MYO5C: variants seen among roughly 807,000 people sequenced by gnomAD.
MYO5C encodes unconventional myosin-Vc.
In MYO5C, 194 loss-of-function variants were observed where a neutral mutation model predicts 235.7. That is an observed-to-expected ratio of 0.82 (90% CI 0.73 to 0.93). The LOEUF is 0.93. Ranked by LOEUF, MYO5C falls within the 40% of genes least tolerant of loss-of-function variation. The pLI is 0.00. For synonymous variants in MYO5C, 707 were observed against 754.8 expected (o/e 0.94, Z 1.04); for missense variants, 2,038 against 2,127.2 (o/e 0.96, Z 0.82).
At chr15:52,251,592 AG>A in intron 12 of MYO5C, 77 bp from the exon 13 acceptor site, 1 of 1,227,864 alleles carries the variant, frequency 8.1e-7, no homozygotes, top group Non-Finnish European at 1.1e-6. Context: ...ACTAATTCTA[AG>A]AAACCAAGGT....
chr15:52,195,579 G>T (rs372952786), intron 39 of MYO5C, 122 bp from the exon 40 acceptor site: 3 of 574,848 alleles, frequency 5.2e-6, no homozygotes, highest in African/African-American at 3.9e-5. Context: ...CTATAATTTG[G>T]TTCAGGAACT....
At chr15:52,265,464 C>A (rs2036786811) in intron 8 of MYO5C, among the ~76,000 whole-genome samples, 2 of 152,148 alleles carry the variant, frequency 1.3e-5, no homozygotes. Flanking sequence ...AAGCCAATGA[C>A]CCCTCACTTG....
intron 1 of MYO5C, among the ~76,000 whole-genome samples, chr15:52,292,021 G>A (rs142158145): frequency 0.012 from 1,812 of 152,164 alleles, 38 homozygotes; most frequent in African/African-American, 0.042. Context: ...TTACAGGCGT[G>A]AGCCACCGCA....
In MYO5C at chr15:52,221,078, C is replaced by A. The variant is rs2035670813; in HGVS notation, c.3721+84G>T. 6 of 1,065,532 alleles carry A rather than the reference C, an allele frequency of 5.6e-6. No individual in the cohort carries two copies. In the Admixed American group the frequency reaches 1.1e-4, roughly 20 times the overall value. The allele number at this position is 1,065,532 out of a possible 1,614,324, so 66.0% of individuals were successfully genotyped here. A position where few individuals can be genotyped will look rare whatever the true frequency, so the allele number is the denominator to read the frequency against. On this transcript the variant is annotated intron_variant, in intron 30 of 40. Coordinates refer to ENST00000261839, the MANE Select transcript of MYO5C (RefSeq NM_018728.4). ...CCCCTAGAGAACCAGAGTTTAAAAG[C>A]CCTGAGTACAAGGACATTTCAATGT... is the stretch of plus-strand genomic sequence containing the variant.
chr15:52,245,905 T>C, intron 17 of MYO5C, 51 bp downstream of exon 17: 1 of 1,527,620 alleles, frequency 6.5e-7, no homozygotes, highest in Non-Finnish European at 9.1e-7. Flanking sequence ...GTTCTCAGCA[T>C]AGCTCTGATG....
At chr15:52,202,974 G>A (rs1028132342) in intron 38 of MYO5C, among the ~76,000 whole-genome samples, 1 of 150,898 alleles carries the variant, frequency 6.6e-6, no homozygotes, top group Non-Finnish European at 1.5e-5. Flanking sequence ...AGGCTGGAGT[G>A]CTGAGGCGCG....
intron 10 of MYO5C, among the ~76,000 whole-genome samples, chr15:52,260,197 G>A (rs573795584): frequency 6.6e-6 from 1 of 152,224 alleles, no homozygotes; most frequent in African/African-American, 2.4e-5. Flanking sequence ...CAGGCAGAGA[G>A]AATGAAAAAG....
chr15:52,278,930 C>T lies in MYO5C; in HGVS notation c.392G>A (p.Gly131Asp). 4 of 1,614,132 alleles carry T rather than the reference C, an allele frequency of 2.5e-6. No homozygotes were observed. Among genetic ancestry groups the T allele is most frequent in the Non-Finnish European group, 3.4e-6 (4 of 1,180,022 alleles). Residue 131 changes from glycine to aspartate, a missense_variant, in exon 4 of 41, where the codon GGC becomes GAC. Coordinates refer to ENST00000261839, the MANE Select transcript of MYO5C (RefSeq NM_018728.4). ...IIHAYSGQNMGDMDPHIFAVA... is the reference protein window; with the variant it reads ...IIHAYSGQNMDDMDPHIFAVA... ...GGCAAATATGTGTGGGTCCATATCG[C>T]CCATGTTCTGCCCGCTGTAGGCGTG... is the stretch of plus-strand genomic sequence containing the variant.
intron 10 of MYO5C, among the ~76,000 whole-genome samples, chr15:52,257,423 G>A (rs753681483): frequency 2.6e-5 from 4 of 152,142 alleles, no homozygotes; most frequent in Non-Finnish European, 4.4e-5. Context: ...AGCTCCTGCC[G>A]GATGTAGCCA....
At chr15:52,280,804 G>A (rs914381165) in intron 2 of MYO5C, among the ~76,000 whole-genome samples, 5 of 152,226 alleles carry the variant, frequency 3.3e-5, no homozygotes, top group Non-Finnish European at 7.3e-5. Context: ...TCAGAAAGTT[G>A]GAGTTTGTTG....
Position 52,193,726 on chromosome 15 carries a change from A to G in MYO5C, c.*176T>C. On this transcript the variant is annotated 3_prime_UTR_variant, in exon 41 of 41. Coordinates refer to ENST00000261839, the MANE Select transcript of MYO5C (RefSeq NM_018728.4). ...ACAGCTGGTGTGTGTGAATTCTTAC[A>G]AAATTACAGGAGCAGCATTGTCACT... is the stretch of plus-strand genomic sequence containing the variant. 1.5e-6 allele frequency: 1 copy of G among 651,804 alleles called. No homozygotes were observed. The highest frequency in any genetic ancestry group is 2.6e-6 in the Non-Finnish European group (1 of 388,540). 40.4% of individuals were successfully genotyped at this position (651,804 alleles called of 1,614,324 possible). A position where few individuals can be genotyped will look rare whatever the true frequency, so the allele number is the denominator to read the frequency against.
At position 52,237,684 on chromosome 15, in the gene MYO5C, C is replaced by G. The variant is rs969042829; in HGVS notation, c.2704-38G>C. 1.9e-6 allele frequency: 3 copies of G among 1,577,066 alleles called. No individual in the cohort carries two copies. In the African/African-American group the frequency reaches 4.1e-5, roughly 22 times the overall value. The stretch of plus-strand genomic sequence containing the variant: ...AAATTCAGATGTTTAGAGGTTAATC[C>G]AAACAAAGATGCTGTTCCATTTAAT... On this transcript the variant is annotated intron_variant, in intron 21 of 40. Coordinates refer to ENST00000261839, the MANE Select transcript of MYO5C (RefSeq NM_018728.4).
In MYO5C at chr15:52,265,791, A is replaced by G. The variant is rs549105087; in HGVS notation, c.941-1495T>C. Reference sequence around the variant, plus strand: ...AGTGGTCCACCCTCCTTGGCCTCCCAAAGTGCTGCGATTATAGGAATGAGC... The same window carrying G: ...AGTGGTCCACCCTCCTTGGCCTCCCGAAGTGCTGCGATTATAGGAATGAGC... On this transcript the variant is annotated intron_variant, in intron 8 of 40. Coordinates refer to ENST00000261839, the MANE Select transcript of MYO5C (RefSeq NM_018728.4). Among the ~76,000 whole-genome samples the G allele has an allele frequency of 3.9e-5, 6 of 152,226 alleles. No homozygotes were observed. In the East Asian group the frequency reaches 1.2e-3, roughly 29 times the overall value.
intron 2 of MYO5C, among the ~76,000 whole-genome samples, chr15:52,281,278 C>A (rs1372623527): frequency 9.9e-5 from 15 of 152,200 alleles, no homozygotes; most frequent in Admixed American, 9.8e-4. Flanking sequence ...CTACAGCACA[C>A]AGGCCTTGTC....
intron 32 of MYO5C, 135 bp downstream of exon 32, chr15:52,218,384 A>G: frequency 1.1e-6 from 1 of 908,106 alleles, no homozygotes; most frequent in Non-Finnish European, 1.6e-6. Context: ...GTCTTTTGGG[A>G]TAAGAAAACA....
chr15:52,283,001 T>C (rs966294647), intron 1 of MYO5C, 109 bp from the exon 2 acceptor site: 2 of 722,734 alleles, frequency 2.8e-6, no homozygotes, highest in African/African-American at 3.5e-5. Flanking sequence ...AGCTCCTTCA[T>C]GAGGAATACG....
chr15:52,247,257 G>C (rs964108969), intron 15 of MYO5C, among the ~76,000 whole-genome samples: 3 of 152,200 alleles, frequency 2.0e-5, no homozygotes, highest in Non-Finnish European at 4.4e-5. Context: ...TTGTGCAAGA[G>C]CGTGGTTTGC....
chr15:52,279,018 C>T lies in MYO5C; in HGVS notation c.305-1G>A. ...GGATTCATGGCCACCAAAATGATTC[C>T]TGGGGAAAGATGTTAGATGCAGTTA... On this transcript the variant is annotated splice_acceptor_variant, in intron 3 of 40. Coordinates refer to ENST00000261839, the MANE Select transcript of MYO5C (RefSeq NM_018728.4). LOFTEE classifies it high-confidence loss of function. The T allele has an allele frequency of 6.2e-7, 1 of 1,611,002 alleles. No homozygotes were observed. The highest frequency in any genetic ancestry group is 8.5e-7 in the Non-Finnish European group (1 of 1,177,762).
chr15:52,222,552 G>A (rs1450834890), intron 29 of MYO5C, among the ~76,000 whole-genome samples: 1 of 152,220 alleles, frequency 6.6e-6, no homozygotes, highest in Admixed American at 6.5e-5. Flanking sequence ...AGTAAGATGA[G>A]GGTGCAAAGG....
Sources: gnomAD v4.1 joint callset for allele counts (sites outside exome capture counted in the v4.1 genomes callset) on GRCh38, gnomAD v4.1.1 for gene constraint, MANE v1.5 for transcripts, NCBI Gene and HGNC (gene_info 2026-07-23, HGNC 2026-07-21) for gene names.